CFAP20DC: variants seen among roughly 807,000 people sequenced by gnomAD.
The protein encoded by CFAP20DC is CFAP20 domain containing.
Under a neutral mutation model 101.7 loss-of-function variants are expected in CFAP20DC, and 84 were observed. The ratio of observed to expected loss-of-function variants is 0.83; its 90% CI spans 0.69 to 0.99. The LOEUF is 0.99. Among genes scored for constraint, CFAP20DC ranks in the 50% least tolerant of loss-of-function variants. The pLI, the probability that CFAP20DC is intolerant of heterozygous loss-of-function variation, is 0.00. For missense variants in CFAP20DC, 1,007 were observed against 970.3 expected (o/e 1.04, Z -0.50); for synonymous variants, 359 against 351.2 (o/e 1.02, Z -0.25).
chr3:58,988,094 T>C (rs1576608996), intron 4 of CFAP20DC, among the ~76,000 whole-genome samples: 1 of 152,234 alleles, frequency 6.6e-6, no homozygotes, highest in East Asian at 1.9e-4. Flanking sequence ...AAAAATACCA[T>C]ATTTGATGAC....
Position 59,047,091 on chromosome 3 carries a change from T to A in CFAP20DC, c.111+74A>T, listed in dbSNP as rs562087462. On this transcript the variant is annotated intron_variant, in intron 2 of 16. Transcript: ENST00000482387. ...CAGGAAAAACAGCTCTGAAATTTGA[T>A]CACGCCCTTTCTTCTATAAGCTTCA... The A allele has an allele frequency of 3.0e-4, 288 of 962,148 alleles. 4 individuals are homozygous for A. The South Asian group carries it at 4.2e-3, about 14-fold the overall frequency. 59.6% of individuals were successfully genotyped at this position (962,148 alleles called of 1,614,324 possible).
intron 5 of CFAP20DC, among the ~76,000 whole-genome samples, chr3:58,919,395 T>C (rs73840013): frequency 0.018 from 2,728 of 152,302 alleles, 70 homozygotes; most frequent in African/African-American, 0.061. Context: ...TCTGTGCCAA[T>C]ACCACAGTGT....
At chr3:58,866,485 T>G in intron 11 of CFAP20DC, 81 bp downstream of exon 11, 1 of 1,266,254 alleles carries the variant, frequency 7.9e-7, no homozygotes, top group South Asian at 1.7e-5. Context: ...TCACCACTTT[T>G]CAAAATGACT....
chr3:58,904,077 T>C (rs963961418), intron 6 of CFAP20DC, among the ~76,000 whole-genome samples: 2 of 152,206 alleles, frequency 1.3e-5, no homozygotes, highest in Admixed American at 1.3e-4. Context: ...ATTGAATCTG[T>C]ATCTCAACAA....
In CFAP20DC at chr3:58,808,635, G is replaced by A. The variant is rs558972174; in HGVS notation, c.2176-2179C>T. ...ATGCCAAATTGTAAAGACCATCGAG[G>A]CTAGGAAGAAACTCCATCAACTAAT... On this transcript the variant is annotated intron_variant, in intron 14 of 16. Coordinates refer to ENST00000482387, the MANE Select transcript of CFAP20DC (RefSeq NM_001394063.1). 3.3e-5 allele frequency among the ~76,000 whole-genome samples: 5 copies of A among 152,244 alleles called. No homozygotes were observed. The South Asian group carries it at 8.3e-4, about 25-fold the overall frequency.
At position 58,882,953 on chromosome 3, in the gene CFAP20DC, A is replaced by C. The variant is rs2081335578; in HGVS notation, c.715+1592T>G. On this transcript the variant is annotated intron_variant, in intron 7 of 16. Coordinates refer to ENST00000482387, the MANE Select transcript of CFAP20DC (RefSeq NM_001394063.1). This position sits in a 1 kb window ranked among gnomAD's most constrained non-coding sequence, Gnocchi z 4.2. ...ATAGTCATCTGCAGGATTTATACTG[A>C]AAAGGTTACCAAATAGGTCCCAGTT... Among the ~76,000 whole-genome samples the C allele has an allele frequency of 6.6e-6, 1 of 152,226 alleles. No individual in the cohort carries two copies. Among genetic ancestry groups the C allele is most frequent in the Non-Finnish European group, 1.5e-5 (1 of 68,032 alleles).
chr3:58,845,118 C>G (rs1367688620), intron 13 of CFAP20DC, among the ~76,000 whole-genome samples: 1 of 149,628 alleles, frequency 6.7e-6, no homozygotes, highest in Non-Finnish European at 1.5e-5. Flanking sequence ...AAAGCAAGAG[C>G]AAACACATTC....
At chr3:58,948,801 C>T (rs1228013953) in intron 4 of CFAP20DC, among the ~76,000 whole-genome samples, 2 of 152,210 alleles carry the variant, frequency 1.3e-5, no homozygotes, top group Non-Finnish European at 2.9e-5. Flanking sequence ...ATGCTGGCCT[C>T]TTAAAATGAG....
At chr3:58,767,237 T>A (rs1057176088) in intron 15 of CFAP20DC, among the ~76,000 whole-genome samples, 2 of 152,216 alleles carry the variant, frequency 1.3e-5, no homozygotes, top group Non-Finnish European at 2.9e-5. Context: ...TCTTCTTTCA[T>A]CTTGCTCTTT....
rs537439331 is a variant in CFAP20DC, at chr3:58,762,159, T to C, written c.2238-8296A>G. Among the ~76,000 whole-genome samples, 713 of 152,298 alleles carry C rather than the reference T, an allele frequency of 4.7e-3. 3 individuals carry two copies. The highest frequency in any genetic ancestry group is 8.3e-3 in the Non-Finnish European group (566 of 68,018). ...GGGTGTTAAAGTCTCCCATTATTATTGTGTGGGAGTCTAAGTCTCTTTGTA... is the reference window on the plus strand; with the variant it reads ...GGGTGTTAAAGTCTCCCATTATTATCGTGTGGGAGTCTAAGTCTCTTTGTA... On this transcript the variant is annotated intron_variant, in intron 15 of 16. Transcript: ENST00000482387.
At chr3:58,810,487 C>T (rs923594931) in intron 14 of CFAP20DC, among the ~76,000 whole-genome samples, 3 of 152,036 alleles carry the variant, frequency 2.0e-5, no homozygotes, top group Non-Finnish European at 4.4e-5. Flanking sequence ...GAAAAGGCCT[C>T]TGACAAAATT....
At chr3:58,824,920 C>G (rs1298012502) in intron 14 of CFAP20DC, among the ~76,000 whole-genome samples, 2 of 151,798 alleles carry the variant, frequency 1.3e-5, no homozygotes, top group Non-Finnish European at 2.9e-5. Flanking sequence ...CTTAGCCTCC[C>G]AATTAGCTGG....
chr3:58,790,034 T>A (rs1444565040), intron 15 of CFAP20DC, among the ~76,000 whole-genome samples: 1 of 152,206 alleles, frequency 6.6e-6, no homozygotes, highest in Non-Finnish European at 1.5e-5. Context: ...ACAATTATAC[T>A]AATTATTCTT....
At position 58,742,449 on chromosome 3, in the gene CFAP20DC, G is replaced by A. The variant is rs369207758; in HGVS notation, c.*11C>T. ...GCTGGGAGTGCCTGCTCTCTGCCCC[G>A]GAAGGAGGCATTATACCAACTCATA... On this transcript the variant is annotated 3_prime_UTR_variant, in exon 17 of 17. Transcript: ENST00000482387. The A allele has an allele frequency of 2.1e-5, 33 of 1,586,002 alleles. No individual in the cohort carries two copies. The highest frequency in any genetic ancestry group is 8.2e-5 in the South Asian group (7 of 85,574).
At chr3:58,740,801 G>A (rs2067864203), downstream of CFAP20DC, among the ~76,000 whole-genome samples, 1 of 152,056 alleles carries the variant, frequency 6.6e-6, no homozygotes, top group African/African-American at 2.4e-5. This position sits in a 1 kb window ranked among gnomAD's most constrained non-coding sequence, Gnocchi z 4.6. Context: ...ATATGGTCCT[G>A]AGACTATTTA....
Position 59,007,403 on chromosome 3 carries a change from C to T in CFAP20DC, c.278+32154G>A, listed in dbSNP as rs1185247208. ...ACTGCAGCTGGCGCTCTCTGGAAAG[C>T]ACCACCTCCTGGCTGGAGGCCAACC... On this transcript the variant is annotated intron_variant, in intron 4 of 16. Transcript: ENST00000482387. The surrounding 1 kb of genome is among the most constrained non-coding windows in gnomAD (Gnocchi z 4.4). Among the ~76,000 whole-genome samples, 2 of 152,180 alleles carry T rather than the reference C, an allele frequency of 1.3e-5. No individual in the cohort carries two copies. Among genetic ancestry groups the T allele is most frequent in the African/African-American group, 4.8e-5 (2 of 41,432 alleles).
intron 4 of CFAP20DC, among the ~76,000 whole-genome samples, chr3:58,974,726 G>C (rs1289414977): frequency 6.6e-6 from 1 of 152,148 alleles, no homozygotes; most frequent in Non-Finnish European, 1.5e-5. Flanking sequence ...CCAGGTGGAG[G>C]TTGTTAGGGG....
At chr3:58,929,023 T>C (rs1018744142) in intron 5 of CFAP20DC, among the ~76,000 whole-genome samples, 9 of 152,188 alleles carry the variant, frequency 5.9e-5, no homozygotes, top group Non-Finnish European at 5.9e-5. Flanking sequence ...GTACCTATTA[T>C]AGCTCCTTTC....
At chr3:58,855,794 A>G (rs1239433153) in intron 12 of CFAP20DC, among the ~76,000 whole-genome samples, 1 of 136,044 alleles carries the variant, frequency 7.4e-6, no homozygotes, top group Non-Finnish European at 1.5e-5. Flanking sequence ...ATGAGAACAC[A>G]TGGACACAGA....
Sources: gnomAD v4.1 joint callset for allele counts (sites outside exome capture counted in the v4.1 genomes callset) on GRCh38, gnomAD v4.1.1 for gene constraint, Gnocchi (gnomAD v3.1) non-coding constraint, MANE v1.5 for transcripts, NCBI Gene and HGNC (gene_info 2026-07-23, HGNC 2026-07-21) for gene names.